MYL9: variants seen among roughly 807,000 people sequenced by gnomAD.
MYL9 encodes myosin light chain 9.
In MYL9, 7 loss-of-function variants were observed where a neutral mutation model predicts 12.8. That is an observed-to-expected ratio of 0.55 (90% confidence interval 0.31 to 1.03). MYL9 has a LOEUF of 1.03. Ranked by LOEUF, MYL9 falls within the 50% of genes least tolerant of loss-of-function variation. The probability of loss-of-function intolerance (pLI) is 0.05; values close to 1 mark genes in which losing one functional copy is unlikely to be tolerated. For missense variants in MYL9, 190 were observed against 242.7 expected, an observed-to-expected ratio of 0.78 and a Z score of 1.44; for synonymous variants, 81 against 87.8, an observed-to-expected ratio of 0.92 and a Z score of 0.43.
chr20:36,550,349 C>T lies in MYL9; in HGVS notation c.*1100C>T, dbSNP rs6026948. On this transcript the variant is annotated 3_prime_UTR_variant, in exon 4 of 4. Coordinates refer to ENST00000279022, the MANE Select transcript of MYL9 (RefSeq NM_006097.5). ...CCACAGCTTTCCATGTCCCTGTGTA[C>T]GCAGGGCAGGCAGGGCCGGGACCCC... The T allele has an allele frequency of 1.0e-3, 158 of 152,422 alleles. No individual in the cohort carries two copies. In the South Asian group the frequency reaches 0.012, roughly 11 times the overall value. 9.4% of individuals were successfully genotyped at this position (152,422 alleles called of 1,614,324 possible). A position where few individuals can be genotyped will look rare whatever the true frequency, so the allele number is the denominator to read the frequency against.
chr20:36,548,323 C>A, intron 3 of MYL9, 130 bp downstream of exon 3: 1 of 1,250,444 alleles, frequency 8.0e-7, no homozygotes. Context: ...CTATAAAAGC[C>A]AGGCCACCTC....
chr20:36,550,941 A>G lies in MYL9; in HGVS notation c.*1692A>G, dbSNP rs1157186662. Reference sequence around the variant, plus strand: ...CACCCATTCGATGCTGCCAGCCCCAAGGGTGTGGGAGGGGGGTCTCAGAGT... The same window carrying G: ...CACCCATTCGATGCTGCCAGCCCCAGGGGTGTGGGAGGGGGGTCTCAGAGT... On this transcript the variant is annotated 3_prime_UTR_variant, in exon 4 of 4. Coordinates refer to ENST00000279022, the MANE Select transcript of MYL9 (RefSeq NM_006097.5). 1 of 152,676 alleles carries G rather than the reference A, an allele frequency of 6.5e-6. No homozygotes were observed. Among genetic ancestry groups the G allele is most frequent in the Non-Finnish European group, 1.5e-5 (1 of 68,360 alleles). The allele number at this position is 152,676 out of a possible 1,614,324, so 9.5% of individuals were successfully genotyped here.
intron 3 of MYL9, among the ~76,000 whole-genome samples, chr20:36,548,469 T>C (rs1332315369): frequency 6.6e-6 from 1 of 152,226 alleles, no homozygotes; most frequent in Non-Finnish European, 1.5e-5. Context: ...TTCATGCCTT[T>C]CTTGCCAAGA....
chr20:36,544,828 A>AG (rs1361950174), intron 1 of MYL9, 31 bp from the exon 2 acceptor site: 1 of 1,548,926 alleles, frequency 6.5e-7, no homozygotes, highest in Non-Finnish European at 8.8e-7. Context: ...CCAGAGTCAC[A>AG]GGGCCACCCA....
chr20:36,541,768 C>T (rs765525447), intron 1 of MYL9, among the ~76,000 whole-genome samples: 4 of 152,174 alleles, frequency 2.6e-5, no homozygotes, highest in Middle Eastern at 3.2e-3. Context: ...GGCCAGGGGC[C>T]GGGCAGCAGG....
intron 2 of MYL9, among the ~76,000 whole-genome samples, chr20:36,546,141 T>G (rs374975485): frequency 6.5e-4 from 99 of 152,030 alleles, no homozygotes; most frequent in African/African-American, 2.3e-3. Context: ...CAAGTCCAAT[T>G]CTCTACTGCA....
intron 1 of MYL9, among the ~76,000 whole-genome samples, chr20:36,544,059 G>T (rs1238063676): frequency 6.6e-6 from 1 of 152,166 alleles, no homozygotes; most frequent in Non-Finnish European, 1.5e-5. Context: ...GTAGGTCAGG[G>T]TCTGTATGGG....
intron 1 of MYL9, among the ~76,000 whole-genome samples, chr20:36,544,433 G>C (rs1214048087): frequency 6.6e-6 from 1 of 152,186 alleles, no homozygotes; most frequent in Admixed American, 6.5e-5. Context: ...GACCCACCTT[G>C]TCACTTGGAA....
In MYL9 at chr20:36,549,214, A is replaced by T. The variant is rs778551469; in HGVS notation, c.484A>T (p.Ile162Phe). The T allele has an allele frequency of 1.2e-6, 2 of 1,613,740 alleles. No homozygotes were observed. The highest frequency in any genetic ancestry group is 2.7e-5 in the African/African-American group (2 of 74,892). Residue 162 changes from isoleucine (I) to phenylalanine (F), a missense_variant, in exon 4 of 4, where the codon ATC (isoleucine) becomes TTC (phenylalanine). Transcript: ENST00000279022. ...GNFNYVEFTR[I>F]LKHGAKDKDD ...CTTCAACTACGTGGAGTTCACCCGC[A>T]TCCTCAAACATGGCGCCAAGGATAA...
Position 36,549,467 on chromosome 20 carries a change from C to T in MYL9, c.*218C>T. 1 of 516,858 alleles carries T rather than the reference C, an allele frequency of 1.9e-6. No homozygotes were observed. Among genetic ancestry groups the T allele is most frequent in the Admixed American group, 3.3e-5 (1 of 30,252 alleles). The allele number at this position is 516,858 out of a possible 1,614,324, so 32.0% of individuals were successfully genotyped here. A position where few individuals can be genotyped will look rare whatever the true frequency, so the allele number is the denominator to read the frequency against. The stretch of plus-strand genomic sequence containing the variant: ...CAGAGCCCTGGGCTATAGTCTCTGA[C>T]CCCTCCAAGGAAAGACCACCTTCTG... On this transcript the variant is annotated 3_prime_UTR_variant, in exon 4 of 4. Coordinates refer to ENST00000279022, the MANE Select transcript of MYL9 (RefSeq NM_006097.5).
At chr20:36,543,271 G>T (rs956838937) in intron 1 of MYL9, among the ~76,000 whole-genome samples, 5 of 152,248 alleles carry the variant, frequency 3.3e-5, no homozygotes, top group African/African-American at 1.2e-4. Flanking sequence ...GGCAGTGATG[G>T]CCCTGGGGAC....
intron 3 of MYL9, 33 bp downstream of exon 3, chr20:36,548,226 C>A: frequency 6.3e-7 from 1 of 1,579,264 alleles, no homozygotes; most frequent in South Asian, 1.2e-5. Context: ...ACTCTGCATG[C>A]AAGTGGAACA....
intron 1 of MYL9, 34 bp from the exon 2 acceptor site, chr20:36,544,825 C>G: frequency 3.2e-6 from 5 of 1,552,576 alleles, no homozygotes; most frequent in Non-Finnish European, 4.4e-6. Flanking sequence ...GGCCCAGAGT[C>G]ACAGGGCCAC....
At position 36,549,073 on chromosome 20, in the gene MYL9, G is replaced by T. The variant is rs755529711; in HGVS notation, c.347-4G>T. The T allele has an allele frequency of 1.9e-6, 3 of 1,611,376 alleles. No homozygotes were observed. The highest frequency in any genetic ancestry group is 2.5e-6 in the Non-Finnish European group (3 of 1,179,184). ...GCTCTCACCCACCCTGCCCCTGCCC[G>T]CAGGTTTCATCCATGAGGACCACCT... On this transcript the variant is annotated splice_polypyrimidine_tract_variant and splice_region_variant and intron_variant, in intron 3 of 3. Coordinates refer to ENST00000279022, the MANE Select transcript of MYL9 (RefSeq NM_006097.5).
rs775610439 is a variant in MYL9 at position 36,544,924 on chromosome 20, C to T, written c.40C>T (p.Arg14Trp). The T allele has an allele frequency of 1.9e-6, 3 of 1,613,750 alleles. No individual in the cohort carries two copies. Among genetic ancestry groups the T allele is most frequent in the East Asian group, 2.2e-5 (1 of 44,866 alleles). The change falls in exon 2 of 4, where the codon CGG becomes TGG. Residue 14 changes from arginine (R) to tryptophan (W), a missense_variant. Physicochemically the swap from Arg to Trp is moderately radical, Grantham distance 101. Transcript: ENST00000279022. ...GGCCAAAGCCAAGACCACCAAGAAG[C>T]GGCCACAGCGGGCCACATCCAATGT... ...KRAKAKTTKK[R>W]PQRATSNVFA...
At position 36,549,029 on chromosome 20, in the gene MYL9, T is replaced by C. The variant is rs752668634; in HGVS notation, c.347-48T>C. ...GGCTGAGGGATGGGGCTGCTGTGTA[T>C]GTCTCAGCCCAAGTTCCTGCTCTCA... is the stretch of plus-strand genomic sequence containing the variant. On this transcript the variant is annotated intron_variant, in intron 3 of 3. Coordinates refer to ENST00000279022, the MANE Select transcript of MYL9 (RefSeq NM_006097.5). 6 of 1,579,424 alleles carry C rather than the reference T, an allele frequency of 3.8e-6. No homozygotes were observed. The South Asian group carries it at 4.6e-5, about 12-fold the overall frequency.
At chr20:36,543,319 G>T (rs1246775926) in intron 1 of MYL9, among the ~76,000 whole-genome samples, 1 of 152,346 alleles carries the variant, frequency 6.6e-6, no homozygotes, top group East Asian at 1.9e-4. Flanking sequence ...CAGGGTTGAT[G>T]ATCTCAAAGG....
intron 1 of MYL9, among the ~76,000 whole-genome samples, chr20:36,543,242 C>A (rs1363062674): frequency 1.3e-5 from 2 of 152,228 alleles, no homozygotes; most frequent in Non-Finnish European, 2.9e-5. Context: ...ACACGGGCAA[C>A]CACTGTCTCA....
In MYL9 at chr20:36,551,410, T is replaced by C. The variant is rs1436276606; in HGVS notation, c.*2161T>C. On this transcript the variant is annotated 3_prime_UTR_variant, in exon 4 of 4. Coordinates refer to ENST00000279022, the MANE Select transcript of MYL9 (RefSeq NM_006097.5). ...TCTTTTTGTAGAGCTAAAGAAACCA[T>C]AAGCAAAATTAAAAGCCAAATGCAT... 2 of 152,082 alleles carry C rather than the reference T, an allele frequency of 1.3e-5. No individual in the cohort carries two copies. Among genetic ancestry groups the C allele is most frequent in the African/African-American group, 4.8e-5 (2 of 41,410 alleles). The allele number at this position is 152,082 out of a possible 1,614,324, so 9.4% of individuals were successfully genotyped here.
Sources: gnomAD v4.1 joint callset for allele counts (sites outside exome capture counted in the v4.1 genomes callset) on GRCh38, gnomAD v4.1.1 for gene constraint, MANE v1.5 for transcripts, NCBI Gene and HGNC (gene_info 2026-07-23, HGNC 2026-07-21) for gene names.